ETS1: variants seen among roughly 807,000 people sequenced by gnomAD.
ETS1 encodes ETS proto-oncogene 1, transcription factor, also known as protein C-ets-1.
Under a neutral mutation model 58.6 loss-of-function variants are expected in ETS1, and 15 were observed. That is an observed-to-expected ratio of 0.26 (90% confidence interval 0.17 to 0.39). The LOEUF (loss-of-function observed/expected upper bound fraction) is 0.39, where lower values mean the gene tolerates loss of function less well. Among genes scored for constraint, ETS1 ranks in the 10% least tolerant of loss-of-function variants. ETS1 has a pLI of 1.00. For synonymous variants in ETS1, 214 were observed against 218.2 expected, an observed-to-expected ratio of 0.98 and a Z score of 0.17; for missense variants, 417 against 610.5, an observed-to-expected ratio of 0.68 and a Z score of 3.34.
intron 2 of ETS1, among the ~76,000 whole-genome samples, chr11:128,569,114 G>C (rs1249210596): frequency 5.3e-5 from 8 of 152,132 alleles, no homozygotes. Context: ...ATAGGAGGCT[G>C]TCTGGTGTAC....
intron 9 of ETS1, among the ~76,000 whole-genome samples, chr11:128,462,837 T>A (rs1861938900): frequency 6.6e-6 from 1 of 152,192 alleles, no homozygotes. Flanking sequence ...TAGGATTAAA[T>A]ATGTGACTTT....
rs150941970 is a variant in ETS1 at position 128,566,241 on chromosome 11, A to G, written c.69+6821T>C. On this transcript the variant is annotated intron_variant, in intron 2 of 9. Transcript: ENST00000392668. ...AGCACCCTTGCATGGACAAGCGGAA[A>G]TCCTCACCCCTTCCCAGCCCCAGTA... Among the ~76,000 whole-genome samples the G allele has an allele frequency of 5.8e-3, 878 of 152,264 alleles. 8 individuals carry two copies. The highest frequency in any genetic ancestry group is 0.017 in the Middle Eastern group (5 of 294).
At position 128,579,641 on chromosome 11, in the gene ETS1, C is replaced by G. The variant is rs538887464; in HGVS notation, c.-14-6497G>C. Among the ~76,000 whole-genome samples the G allele has an allele frequency of 7.3e-5, 9 of 123,266 alleles. No homozygotes were observed. In the Admixed American group the frequency reaches 8.3e-4, roughly 11 times the overall value. 80.9% of individuals were successfully genotyped at this position (123,266 alleles called of 152,430 possible). A position where few individuals can be genotyped will look rare whatever the true frequency, so the allele number is the denominator to read the frequency against. On this transcript the variant is annotated intron_variant, in intron 1 of 9. Coordinates refer to ENST00000392668, the MANE Select transcript of ETS1 (RefSeq NM_001143820.2). ...TCGCCATTACACTCCCACCCGGCAA[C>G]AAGAGCAAAACTCCATTGAAAAAAA...
In ETS1 at chr11:128,484,864, A is replaced by G; in HGVS notation, c.821T>C (p.Val274Ala). ...CATGCACATGTTGTCTGGGGTGACG[A>G]CTTCTTGTTTGATAGCAAAGTAGTC... ...QNDYFAIKQE[V>A]VTPDNMCMGR... Residue 274 changes from valine (V) to alanine (A), a missense_variant, in exon 7 of 10, where the codon GTC becomes GCC. Around this residue, in one of 4 missense-constraint regions of ETS1, gnomAD observed 139 missense variants for 152.1 expected, o/e 0.91. Transcript: ENST00000392668. 1 of 1,614,104 alleles carries G rather than the reference A, an allele frequency of 6.2e-7. No homozygotes were observed. The highest frequency in any genetic ancestry group is 8.5e-7 in the Non-Finnish European group (1 of 1,179,990).
At chr11:128,569,026 A>G (rs931559480) in intron 2 of ETS1, among the ~76,000 whole-genome samples, 5 of 152,348 alleles carry the variant, frequency 3.3e-5, no homozygotes, top group Non-Finnish European at 5.9e-5. Context: ...TCTGCTTTCA[A>G]GTTTGATCTG....
intron 3 of ETS1, among the ~76,000 whole-genome samples, chr11:128,556,067 C>T (rs576269060): frequency 2.6e-5 from 4 of 152,304 alleles, no homozygotes; most frequent in African/African-American, 9.6e-5. Flanking sequence ...AAGGTGAAGA[C>T]CTAAAGCAAC....
chr11:128,550,766 T>C (rs761787940), intron 3 of ETS1, among the ~76,000 whole-genome samples: 1 of 152,164 alleles, frequency 6.6e-6, no homozygotes, highest in Non-Finnish European at 1.5e-5. Flanking sequence ...TTTCCCCATC[T>C]CCCTTAATGT....
intron 3 of ETS1, among the ~76,000 whole-genome samples, chr11:128,541,081 C>A (rs961926448): frequency 9.9e-5 from 15 of 152,168 alleles, no homozygotes; most frequent in African/African-American, 3.6e-4. Flanking sequence ...GACTGGGAGG[C>A]CTCAGGAGGG....
intron 3 of ETS1, among the ~76,000 whole-genome samples, chr11:128,544,786 C>T (rs1026379860): frequency 1.3e-5 from 2 of 152,138 alleles, no homozygotes; most frequent in Admixed American, 6.5e-5. Flanking sequence ...AATGGCTACA[C>T]TGCACTTTTA....
chr11:128,585,094 AGAAAGAAAGGAAGGAAGGAAG>A (rs1565421475), intron 1 of ETS1, among the ~76,000 whole-genome samples: 1,097 of 32,148 alleles, frequency 0.034, 148 homozygotes, highest in African/African-American at 0.095. Flanking sequence ...AAGAAAGGAA[AGAAAGAAAGGAAGGAAGGAAG>A]GAAAGAAAGA....
At chr11:128,472,690 C>G (rs896933001) in intron 8 of ETS1, among the ~76,000 whole-genome samples, 9 of 152,178 alleles carry the variant, frequency 5.9e-5, no homozygotes, top group African/African-American at 1.7e-4. Flanking sequence ...CTGTGAGACA[C>G]AGAGCTCCTC....
At chr11:128,578,747 T>G (rs559638473) in intron 1 of ETS1, among the ~76,000 whole-genome samples, 1 of 152,192 alleles carries the variant, frequency 6.6e-6, no homozygotes, top group African/African-American at 2.4e-5. Flanking sequence ...GTAACCTGCT[T>G]TGTTCACTGA....
intron 3 of ETS1, among the ~76,000 whole-genome samples, chr11:128,535,391 G>C (rs1490562348): frequency 6.6e-6 from 1 of 152,162 alleles, no homozygotes; most frequent in Non-Finnish European, 1.5e-5. Flanking sequence ...TGTTCACTCT[G>C]ATGCTAGTTT....
At chr11:128,582,377 G>A (rs1864892263) in intron 1 of ETS1, among the ~76,000 whole-genome samples, 1 of 152,178 alleles carries the variant, frequency 6.6e-6, no homozygotes, top group African/African-American at 2.4e-5. Flanking sequence ...TTAGCAGCAT[G>A]CTGTATAAAT....
intron 3 of ETS1, among the ~76,000 whole-genome samples, chr11:128,514,636 T>A (rs1390400714): frequency 2.0e-5 from 3 of 152,190 alleles, no homozygotes; most frequent in Admixed American, 2.0e-4. Flanking sequence ...CACACATATT[T>A]TCATAAATGT....
intron 8 of ETS1, among the ~76,000 whole-genome samples, chr11:128,466,984 G>A (rs938997162): frequency 6.6e-6 from 1 of 152,184 alleles, no homozygotes; most frequent in Non-Finnish European, 1.5e-5. Flanking sequence ...GGTGCACACA[G>A]GGCTCACCCT....
intron 3 of ETS1, among the ~76,000 whole-genome samples, chr11:128,513,480 G>T (rs1287891244): frequency 6.6e-6 from 1 of 152,188 alleles, no homozygotes; most frequent in Non-Finnish European, 1.5e-5. Flanking sequence ...CTCACAGAGT[G>T]GATGCTGTTT....
At chr11:128,522,302 C>A in intron 3 of ETS1, 2 of 1,080,604 alleles carry the variant, frequency 1.9e-6, no homozygotes, top group South Asian at 6.9e-5. Flanking sequence ...CTCGTTCGCT[C>A]TCGATCTCCC....
intron 8 of ETS1, among the ~76,000 whole-genome samples, chr11:128,469,326 G>A (rs1479241233): frequency 6.6e-6 from 1 of 152,210 alleles, no homozygotes; most frequent in Non-Finnish European, 1.5e-5. Flanking sequence ...CATCTGGCAG[G>A]TGGCCCTAAA....
Sources: allele counts gnomAD v4.1 joint callset (sites outside exome capture counted in the v4.1 genomes callset), GRCh38; gene constraint gnomAD v4.1.1; regional missense constraint gnomAD v4.1.1; transcripts MANE v1.5; gene names NCBI Gene and HGNC (gene_info 2026-07-23, HGNC 2026-07-21).